Variants in GRID2 observed in about 807,000 individuals in gnomAD.
GRID2 encodes glutamate receptor ionotropic, delta-2.
GRID2 carries 33 observed loss-of-function variants against 114.8 expected under a neutral mutation model. The observed-to-expected ratio is 0.29, with a 90% CI of 0.22 to 0.38. GRID2 has a LOEUF of 0.38. GRID2 is among the 10% of genes least tolerant of loss of function. GRID2 has a pLI of 1.00. For synonymous variants in GRID2, 505 were observed against 449.9 expected, an observed-to-expected ratio of 1.12 and a Z score of -1.55; for missense variants, 1,184 against 1,257.7, an observed-to-expected ratio of 0.94 and a Z score of 0.89.
intron 3 of GRID2, among the ~76,000 whole-genome samples, chr4:93,098,989 C>CTG (rs71579585): frequency 0.08 from 11,125 of 138,882 alleles, 475 homozygotes; most frequent in African/African-American, 0.093. Flanking sequence ...AGATCATTTC[C>CTG]TGTGTGTGTG....
At chr4:93,511,827 C>T (rs1330205703) in intron 12 of GRID2, among the ~76,000 whole-genome samples, 1 of 150,834 alleles carries the variant, frequency 6.6e-6, no homozygotes, top group Non-Finnish European at 1.5e-5. Flanking sequence ...TCTTGTCGCC[C>T]AGGCTAGAGT....
At chr4:92,382,170 T>G (rs1464910822) in intron 1 of GRID2, among the ~76,000 whole-genome samples, 1 of 151,864 alleles carries the variant, frequency 6.6e-6, no homozygotes, top group Admixed American at 6.6e-5. Context: ...TTACATTAAA[T>G]GACTGTATTG....
At chr4:92,737,059 T>C (rs1386414320) in intron 2 of GRID2, among the ~76,000 whole-genome samples, 5 of 152,080 alleles carry the variant, frequency 3.3e-5, no homozygotes, top group Non-Finnish European at 7.4e-5. Flanking sequence ...CTAAGAATTA[T>C]GCATTTTAGT....
intron 1 of GRID2, among the ~76,000 whole-genome samples, chr4:92,335,066 C>A (rs1273005205): frequency 6.6e-6 from 1 of 152,170 alleles, no homozygotes; most frequent in Non-Finnish European, 1.5e-5. Flanking sequence ...AGCTTCATGA[C>A]CTCTTCAGCA....
At chr4:92,740,860 C>A (rs1280637692) in intron 2 of GRID2, among the ~76,000 whole-genome samples, 1 of 152,076 alleles carries the variant, frequency 6.6e-6, no homozygotes, top group Non-Finnish European at 1.5e-5. Flanking sequence ...CATTCTCATG[C>A]CTCAGCTTTC....
At chr4:92,877,918 T>G (rs1288625516) in intron 2 of GRID2, among the ~76,000 whole-genome samples, 1 of 152,172 alleles carries the variant, frequency 6.6e-6, no homozygotes, top group African/African-American at 2.4e-5. Context: ...AGATAAGTTT[T>G]ATAGAGTTGG....
At chr4:93,368,256 A>T (rs1762530644) in intron 8 of GRID2, among the ~76,000 whole-genome samples, 2 of 152,170 alleles carry the variant, frequency 1.3e-5, no homozygotes, top group African/African-American at 4.8e-5. Flanking sequence ...AAATAAAAAA[A>T]GTATCTAGAA....
At chr4:92,862,261 C>G (rs182288883) in intron 2 of GRID2, among the ~76,000 whole-genome samples, 3 of 151,876 alleles carry the variant, frequency 2.0e-5, no homozygotes, top group Admixed American at 1.3e-4. Context: ...ATTTTGCTAC[C>G]CCCAAATCAA....
chr4:93,391,808 G>A (rs1442667543), intron 8 of GRID2, among the ~76,000 whole-genome samples: 1 of 152,114 alleles, frequency 6.6e-6, no homozygotes, highest in South Asian at 2.1e-4. Context: ...GCAGGCTACT[G>A]TGCTCATGCA....
At chr4:92,372,276 G>A (rs567094280) in intron 1 of GRID2, among the ~76,000 whole-genome samples, 31 of 152,252 alleles carry the variant, frequency 2.0e-4, no homozygotes, top group Admixed American at 3.9e-4. Flanking sequence ...AAGTTCTACC[G>A]TGAGTGAAAT....
At chr4:93,114,867 G>C (rs71599270) in intron 4 of GRID2, among the ~76,000 whole-genome samples, 4 of 152,060 alleles carry the variant, frequency 2.6e-5, no homozygotes, top group Non-Finnish European at 5.9e-5. Flanking sequence ...TAGTGGAAGA[G>C]GCAGCATATA....
At chr4:93,261,553 A>G (rs1002700337) in intron 8 of GRID2, among the ~76,000 whole-genome samples, 2 of 151,868 alleles carry the variant, frequency 1.3e-5, no homozygotes, top group Non-Finnish European at 2.9e-5. Flanking sequence ...AATGACCTGT[A>G]TATACAGAAT....
chr4:92,990,305 A>ATATATGTGTG (rs1491418714), intron 2 of GRID2, among the ~76,000 whole-genome samples: 2 of 71,444 alleles, frequency 2.8e-5, no homozygotes, highest in Non-Finnish European at 5.7e-5. Flanking sequence ...ATATATATAT[A>ATATATGTGTG]TGTGTGTGTG....
At chr4:92,899,786 G>A (rs1391966680) in intron 2 of GRID2, among the ~76,000 whole-genome samples, 1 of 152,162 alleles carries the variant, frequency 6.6e-6, no homozygotes. Context: ...TTTTGTGGAA[G>A]AGAGAGAACA....
chr4:93,022,516 A>G lies in GRID2; in HGVS notation c.245-62479A>G, dbSNP rs945161939. Among the ~76,000 whole-genome samples the G allele has an allele frequency of 5.3e-5, 8 of 152,080 alleles. No individual in the cohort carries two copies. In the East Asian group the frequency reaches 1.5e-3, roughly 29 times the overall value. On this transcript the variant is annotated intron_variant, in intron 2 of 15. Coordinates refer to ENST00000282020, the MANE Select transcript of GRID2 (RefSeq NM_001510.4). ...ATGTTTTAGATCATAAATCTTTGCA[A>G]TATTTTCTAGGAATACATTTTTAGT...
intron 2 of GRID2, among the ~76,000 whole-genome samples, chr4:92,907,781 TG>T (rs1560689153): frequency 6.6e-6 from 1 of 151,860 alleles, no homozygotes. Flanking sequence ...CCAAGCACTT[TG>T]GGAGGCCGAC....
intron 1 of GRID2, among the ~76,000 whole-genome samples, chr4:92,446,802 G>T (rs1478649892): frequency 2.0e-5 from 3 of 152,338 alleles, no homozygotes; most frequent in East Asian, 1.9e-4. Flanking sequence ...GAAATGCAGA[G>T]AATATCATGC....
chr4:93,386,773 C>G (rs772048766), intron 8 of GRID2, among the ~76,000 whole-genome samples: 1 of 152,034 alleles, frequency 6.6e-6, no homozygotes, highest in Non-Finnish European at 1.5e-5. Context: ...GGGAAAGTAC[C>G]AAGTACTAAG....
At chr4:92,751,285 T>TA (rs1737443755) in intron 2 of GRID2, among the ~76,000 whole-genome samples, 2 of 152,148 alleles carry the variant, frequency 1.3e-5, no homozygotes, top group African/African-American at 4.8e-5. Flanking sequence ...TTTAAGCATT[T>TA]AAAATATGAA....
Sources: gnomAD v4.1 joint callset for allele counts (sites outside exome capture counted in the v4.1 genomes callset) on GRCh38, gnomAD v4.1.1 for gene constraint, MANE v1.5 for transcripts, NCBI Gene and HGNC (gene_info 2026-07-23, HGNC 2026-07-21) for gene names.